Variants in UCK2 observed in about 807,000 individuals in gnomAD.
UCK2 encodes uridine-cytidine kinase 2.
Under a neutral mutation model 30.8 loss-of-function variants are expected in UCK2, and 6 were observed. The ratio of observed to expected loss-of-function variants is 0.19; its 90% CI spans 0.11 to 0.38. UCK2 has a LOEUF of 0.38. Ranked by LOEUF, UCK2 falls within the 10% of genes least tolerant of loss-of-function variation. The pLI is 1.00. For synonymous variants in UCK2, 125 were observed against 133.6 expected (o/e 0.94, Z 0.45); for missense variants, 210 against 339.8 (o/e 0.62, Z 3.00).
At chr1:165,859,365 T>A (rs923954468) in intron 1 of UCK2, among the ~76,000 whole-genome samples, 7 of 152,184 alleles carry the variant, frequency 4.6e-5, no homozygotes, top group Non-Finnish European at 8.8e-5. Context: ...GACTCGCTGC[T>A]GGTCCTCCGC....
intron 1 of UCK2, among the ~76,000 whole-genome samples, chr1:165,847,903 G>A (rs895071067): frequency 5.9e-5 from 9 of 152,114 alleles, no homozygotes; most frequent in African/African-American, 1.7e-4. Flanking sequence ...GTTTCACCAT[G>A]TTGGCCAGGC....
At chr1:165,879,785 C>T (rs1435824603) in intron 1 of UCK2, among the ~76,000 whole-genome samples, 1 of 151,892 alleles carries the variant, frequency 6.6e-6, no homozygotes, top group Non-Finnish European at 1.5e-5. Flanking sequence ...TTGAGACAGC[C>T]AATAGAGGAC....
chr1:165,888,642 C>CTTTTTTTTTTTTTTT (rs60874109), intron 1 of UCK2, among the ~76,000 whole-genome samples: 9 of 71,016 alleles, frequency 1.3e-4, no homozygotes, highest in Non-Finnish European at 1.5e-4. Context: ...CTTTCTTCTT[C>CTTTTTTTTTTTTTTT]TTTTTTTTTT....
At chr1:165,831,607 C>T (rs1047889300) in intron 1 of UCK2, among the ~76,000 whole-genome samples, 1 of 152,178 alleles carries the variant, frequency 6.6e-6, no homozygotes, top group African/African-American at 2.4e-5. Context: ...CTCCATTACA[C>T]TGCCATCAGA....
At chr1:165,904,952 A>G (rs532637233) in intron 5 of UCK2, among the ~76,000 whole-genome samples, 2 of 152,246 alleles carry the variant, frequency 1.3e-5, no homozygotes, top group Admixed American at 1.3e-4. Flanking sequence ...TTGGGTAATA[A>G]TAGAACCTAT....
Position 165,896,241 on chromosome 1 carries a change from G to C in UCK2, c.408G>C (p.Gly136=). The change falls in exon 4 of 7, where the codon GGG becomes GGC. Residue 136 remains glycine (G), a synonymous_variant. Transcript: ENST00000367879. ...VYPADVVLFE[G]ILAFYSQEVR... ...CCGCAGACGTGGTGCTCTTTGAAGG[G>C]ATCCTGGCCTTCTACTCCCAGGAGG... 1.2e-6 allele frequency: 2 copies of C among 1,614,120 alleles called. No individual in the cohort carries two copies. Among genetic ancestry groups the C allele is most frequent in the Non-Finnish European group, 1.7e-6 (2 of 1,179,998 alleles).
chr1:165,893,612 C>T (rs1008785646), intron 3 of UCK2, among the ~76,000 whole-genome samples: 2 of 152,210 alleles, frequency 1.3e-5, no homozygotes, highest in Non-Finnish European at 2.9e-5. Context: ...GATGGTTAGA[C>T]TGGGTTATCT....
intron 1 of UCK2, among the ~76,000 whole-genome samples, chr1:165,881,182 T>A (rs1451215786): frequency 1.1e-5 from 1 of 92,854 alleles, no homozygotes; most frequent in Non-Finnish European, 2.0e-5. Context: ...CAATAAAACT[T>A]AAAAAAAAAA....
chr1:165,880,168 G>A (rs1655448179), intron 1 of UCK2, among the ~76,000 whole-genome samples: 2 of 152,194 alleles, frequency 1.3e-5, no homozygotes, highest in Non-Finnish European at 2.9e-5. Context: ...CTGGCACATT[G>A]TGCTCTCTTG....
chr1:165,861,672 T>C (rs993384566), intron 1 of UCK2, among the ~76,000 whole-genome samples: 4 of 133,970 alleles, frequency 3.0e-5, no homozygotes, highest in Admixed American at 7.6e-5. Flanking sequence ...ACAGTAAAAC[T>C]CAATAGCTCT....
intron 1 of UCK2, among the ~76,000 whole-genome samples, chr1:165,876,101 A>G (rs553057830): frequency 6.6e-6 from 1 of 152,346 alleles, no homozygotes; most frequent in South Asian, 2.1e-4. Flanking sequence ...CACCACAAGG[A>G]CCTATATTTT....
At chr1:165,890,179 T>G (rs1213386539) in intron 1 of UCK2, 25 bp from the exon 2 acceptor site, 1 of 1,613,066 alleles carries the variant, frequency 6.2e-7, no homozygotes, top group Non-Finnish European at 8.5e-7. Context: ...CTCTTATTCC[T>G]GGGTGCTCTC....
chr1:165,884,915 T>C lies in UCK2; in HGVS notation c.100-5289T>C, dbSNP rs372179661. Among the ~76,000 whole-genome samples, 12 of 152,330 alleles carry C rather than the reference T, an allele frequency of 7.9e-5. No homozygotes were observed. In the East Asian group the frequency reaches 2.1e-3, roughly 27 times the overall value. On this transcript the variant is annotated intron_variant, in intron 1 of 6. Transcript: ENST00000367879. ...GGAGTTCATTGTTCAGCATGTCTAG[T>C]GGACCCTGGCTCCTAACAGCTGGAT...
chr1:165,865,292 T>C (rs576448920), intron 1 of UCK2, among the ~76,000 whole-genome samples: 1 of 152,346 alleles, frequency 6.6e-6, no homozygotes, highest in South Asian at 2.1e-4. Flanking sequence ...ACATTTGTTA[T>C]ACTCCTGCCA....
At chr1:165,879,511 A>C (rs1216918738) in intron 1 of UCK2, among the ~76,000 whole-genome samples, 3 of 150,594 alleles carry the variant, frequency 2.0e-5, no homozygotes, top group Non-Finnish European at 4.4e-5. Context: ...CAAATTAATA[A>C]AAGAAAATCA....
intron 1 of UCK2, among the ~76,000 whole-genome samples, chr1:165,874,190 A>C (rs1655276523): frequency 6.6e-6 from 1 of 152,124 alleles, no homozygotes; most frequent in Non-Finnish European, 1.5e-5. Flanking sequence ...ATAAGCACTG[A>C]TTCTCTGGGC....
chr1:165,908,072 T>G lies in UCK2; in HGVS notation c.*249T>G, dbSNP rs1384424015. 1.6e-5 allele frequency: 7 copies of G among 430,976 alleles called. No homozygotes were observed. Among genetic ancestry groups the G allele is most frequent in the Non-Finnish European group, 2.5e-5 (6 of 243,604 alleles). The allele number at this position is 430,976 out of a possible 1,614,324, so 26.7% of individuals were successfully genotyped here. ...GTGATGCCTAATTATGAATCCAACGTGTAACCAGTTATAAATACATATATA... is the reference window on the plus strand; with the variant it reads ...GTGATGCCTAATTATGAATCCAACGGGTAACCAGTTATAAATACATATATA... On this transcript the variant is annotated 3_prime_UTR_variant, in exon 7 of 7. Coordinates refer to ENST00000367879, the MANE Select transcript of UCK2 (RefSeq NM_012474.5).
intron 1 of UCK2, among the ~76,000 whole-genome samples, chr1:165,828,285 G>C (rs1202422272): frequency 6.6e-6 from 1 of 152,176 alleles, no homozygotes; most frequent in Non-Finnish European, 1.5e-5. Flanking sequence ...GGGGGAGAGG[G>C]CTTTCCGCAG....
At chr1:165,885,214 T>C (rs1226612089) in intron 1 of UCK2, 1 of 392,024 alleles carries the variant, frequency 2.6e-6, no homozygotes, top group African/African-American at 2.1e-5. Context: ...GTGAAAAGAA[T>C]TGTGCAGTTG....
Sources: allele counts gnomAD v4.1 joint callset (sites outside exome capture counted in the v4.1 genomes callset), GRCh38; gene constraint gnomAD v4.1.1; transcripts MANE v1.5; gene names NCBI Gene and HGNC (gene_info 2026-07-23, HGNC 2026-07-21).